SP3: variants seen among roughly 807,000 people sequenced by gnomAD.
The protein encoded by SP3 is transcription factor Sp3.
Under a neutral mutation model 70.3 loss-of-function variants are expected in SP3, and 10 were observed. That is an observed-to-expected ratio of 0.14 (90% confidence interval 0.09 to 0.24). The LOEUF is 0.24. Ranked by LOEUF, SP3 falls within the 10% of genes least tolerant of loss-of-function variation. The pLI is 1.00. For missense variants in SP3, 825 were observed against 914.6 expected (o/e 0.90, Z 1.26); for synonymous variants, 402 against 333.5 (o/e 1.21, Z -2.24).
chr2:173,937,687 AACTC>A (rs900019370), intron 4 of SP3, among the ~76,000 whole-genome samples: 1 of 152,180 alleles, frequency 6.6e-6, no homozygotes, highest in Non-Finnish European at 1.5e-5. Context: ...ATGAGGCTAA[AACTC>A]ACATTCTCAA....
At chr2:173,932,993 A>G (rs1289617051) in intron 4 of SP3, among the ~76,000 whole-genome samples, 1 of 152,166 alleles carries the variant, frequency 6.6e-6, no homozygotes, top group Non-Finnish European at 1.5e-5. Context: ...ACTGTCTCAA[A>G]AACAAAAATA....
intron 3 of SP3, among the ~76,000 whole-genome samples, chr2:173,957,184 G>A (rs1020066451): frequency 2.0e-5 from 3 of 152,094 alleles, no homozygotes; most frequent in Admixed American, 2.0e-4. Context: ...TTATTTCAGT[G>A]GATGAACCAC....
rs1689388183 is a variant in SP3 at position 173,908,511 on chromosome 2, G to A, written c.*1430C>T. The stretch of plus-strand genomic sequence containing the variant: ...CCCATACCACTGCAATATTTTTTAT[G>A]CATAGGAATACAACAAACTCAAAAG... On this transcript the variant is annotated 3_prime_UTR_variant, in exon 7 of 7. Transcript: ENST00000310015. 6.6e-6 allele frequency: 1 copy of A among 152,208 alleles called. No individual in the cohort carries two copies. Among genetic ancestry groups the A allele is most frequent in the Admixed American group, 6.6e-5 (1 of 15,244 alleles). The allele number at this position is 152,208 out of a possible 1,614,324, so 9.4% of individuals were successfully genotyped here.
At chr2:173,940,002 C>G (rs567753949) in intron 4 of SP3, among the ~76,000 whole-genome samples, 3 of 152,172 alleles carry the variant, frequency 2.0e-5, no homozygotes, top group Admixed American at 6.5e-5. Flanking sequence ...CCTCTCTGAG[C>G]AGACAGGACT....
chr2:173,911,851 CTT>C (rs1374122326), intron 6 of SP3, among the ~76,000 whole-genome samples: 1 of 115,092 alleles, frequency 8.7e-6, no homozygotes, highest in African/African-American at 3.4e-5. Context: ...CAGGATCTCA[CTT>C]TGTCACCCAG....
chr2:173,932,915 C>A (rs760431555), intron 4 of SP3, among the ~76,000 whole-genome samples: 10 of 152,124 alleles, frequency 6.6e-5, no homozygotes, highest in Non-Finnish European at 1.5e-4. Context: ...TGGCCTGAAT[C>A]CCAGAGGCAG....
In SP3 at chr2:173,915,082, T is replaced by A. The variant is rs554878725; in HGVS notation, c.1833-1816A>T. 5.3e-5 allele frequency: 8 copies of A among 152,152 alleles called. No individual in the cohort carries two copies. In the South Asian group the frequency reaches 1.7e-3, roughly 32 times the overall value. The allele number at this position is 152,152 out of a possible 1,614,324, so 9.4% of individuals were successfully genotyped here. A position where few individuals can be genotyped will look rare whatever the true frequency, so the allele number is the denominator to read the frequency against. ...GTGCATTTCACAAACTTAGCAAAAT[T>A]TAGCATGGGAACACTAACAAAGCAC... On this transcript the variant is annotated intron_variant, in intron 5 of 6. Transcript: ENST00000310015.
In SP3 at chr2:173,939,563, A is replaced by T. The variant is rs145942352; in HGVS notation, c.1639+15310T>A. ...TAGATCACCTGAGGTCAGGAGTTTG[A>T]TAACAGCCTGGCCAACATGGTGAAA... is the stretch of plus-strand genomic sequence containing the variant. On this transcript the variant is annotated intron_variant, in intron 4 of 6. Transcript: ENST00000310015. Among the ~76,000 whole-genome samples, 9 of 152,224 alleles carry T rather than the reference A, an allele frequency of 5.9e-5. No homozygotes were observed. The East Asian group carries it at 1.5e-3, about 26-fold the overall frequency.
intron 4 of SP3, among the ~76,000 whole-genome samples, chr2:173,952,788 A>G (rs1280440552): frequency 6.6e-6 from 1 of 152,238 alleles, no homozygotes; most frequent in African/African-American, 2.4e-5. Flanking sequence ...GCTAAATGAA[A>G]GAAACCAAAC....
intron 4 of SP3, among the ~76,000 whole-genome samples, chr2:173,953,675 C>A (rs1270341787): frequency 6.6e-6 from 1 of 151,672 alleles, no homozygotes. Flanking sequence ...GGCTGAGGCA[C>A]GAGAATTGCT....
Position 173,904,179 on chromosome 2 carries a change from G to A in SP3, c.*5762C>T, listed in dbSNP as rs892274571. Among the ~76,000 whole-genome samples the A allele has an allele frequency of 7.2e-5, 11 of 152,214 alleles. No individual in the cohort carries two copies. Among genetic ancestry groups the A allele is most frequent in the African/African-American group, 2.4e-4 (10 of 41,534 alleles). On this transcript the variant is annotated 3_prime_UTR_variant, in exon 7 of 7. Coordinates refer to ENST00000310015, the MANE Select transcript of SP3 (RefSeq NM_003111.5). ...AGGCAGAGCTCAGGCAGGAATGCTC[G>A]CTTACCTCCTGCTGTATGGCCTGGT...
At chr2:173,945,509 A>C (rs1386282472) in intron 4 of SP3, among the ~76,000 whole-genome samples, 3 of 152,212 alleles carry the variant, frequency 2.0e-5, no homozygotes, top group Non-Finnish European at 2.9e-5. Context: ...AAAGACATTT[A>C]CAACATCTTT....
At chr2:173,922,134 A>T (rs1000584308) in intron 4 of SP3, among the ~76,000 whole-genome samples, 1 of 152,126 alleles carries the variant, frequency 6.6e-6, no homozygotes, top group Non-Finnish European at 1.5e-5. Flanking sequence ...TTAAAAAGAG[A>T]TGATAGTGGC....
At chr2:173,933,202 A>C (rs1448085013) in intron 4 of SP3, among the ~76,000 whole-genome samples, 3 of 151,728 alleles carry the variant, frequency 2.0e-5, no homozygotes, top group African/African-American at 4.8e-5. Flanking sequence ...CAAAGAATTA[A>C]ATTTCAATCT....
At chr2:173,921,068 A>C (rs1382126817) in intron 4 of SP3, among the ~76,000 whole-genome samples, 4 of 152,108 alleles carry the variant, frequency 2.6e-5, no homozygotes, top group Admixed American at 2.6e-4. Flanking sequence ...GTAAAATTTC[A>C]TCAAGTTATA....
chr2:173,916,575 C>T (rs1264583132), intron 5 of SP3: 1 of 151,966 alleles, frequency 6.6e-6, no homozygotes, highest in Non-Finnish European at 1.5e-5. Flanking sequence ...TTCAACCTCA[C>T]CAAGTAATTT....
At chr2:173,927,321 G>T (rs982830356) in intron 4 of SP3, among the ~76,000 whole-genome samples, 1 of 151,550 alleles carries the variant, frequency 6.6e-6, no homozygotes, top group Admixed American at 6.6e-5. Flanking sequence ...TGTCGCCCAG[G>T]GTGGGGTACA....
intron 4 of SP3, among the ~76,000 whole-genome samples, chr2:173,939,827 A>C: frequency 6.6e-6 from 1 of 151,676 alleles, no homozygotes; most frequent in Non-Finnish European, 1.5e-5. Flanking sequence ...TAAAAATGTA[A>C]AAATTTTTTT....
intron 4 of SP3, among the ~76,000 whole-genome samples, chr2:173,953,289 G>A (rs527384989): frequency 7.2e-5 from 11 of 152,208 alleles, no homozygotes; most frequent in Non-Finnish European, 1.3e-4. Context: ...TCAACACAGA[G>A]AACAAGGCAA....
Sources: allele counts gnomAD v4.1 joint callset (sites outside exome capture counted in the v4.1 genomes callset), GRCh38; gene constraint gnomAD v4.1.1; transcripts MANE v1.5; gene names NCBI Gene and HGNC (gene_info 2026-07-23, HGNC 2026-07-21).